NKAIN2: variants seen among roughly 807,000 people sequenced by gnomAD.
NKAIN2 encodes the protein sodium/potassium-transporting ATPase subunit beta-1-interacting protein 2.
In NKAIN2, 14 loss-of-function variants were observed where a neutral mutation model predicts 32.6. That is an observed-to-expected ratio of 0.43 (90% confidence interval 0.28 to 0.67). The LOEUF (loss-of-function observed/expected upper bound fraction) is 0.67, where lower values mean the gene tolerates loss of function less well. NKAIN2 is among the 30% of genes least tolerant of loss of function. The probability of loss-of-function intolerance (pLI) is 0.17; values close to 1 mark genes in which losing one functional copy is unlikely to be tolerated. For missense variants in NKAIN2, 198 were observed against 258.3 expected (o/e 0.77, Z 1.60); for synonymous variants, 80 against 87.2 (o/e 0.92, Z 0.46).
chr6:124,014,721 C>T (rs1216232277), intron 1 of NKAIN2, among the ~76,000 whole-genome samples: 1 of 151,966 alleles, frequency 6.6e-6, no homozygotes, highest in African/African-American at 2.4e-5. Flanking sequence ...TTACCTCATG[C>T]TGTTGTTAAT....
intron 1 of NKAIN2, among the ~76,000 whole-genome samples, chr6:123,807,737 T>G (rs748670909): frequency 1.1e-4 from 16 of 152,162 alleles, no homozygotes; most frequent in Non-Finnish European, 2.2e-4. Context: ...TCCCCTATTT[T>G]GTACTTTAGA....
intron 3 of NKAIN2, among the ~76,000 whole-genome samples, chr6:124,516,593 G>A (rs759875735): frequency 1.3e-5 from 2 of 152,138 alleles, no homozygotes; most frequent in Non-Finnish European, 2.9e-5. Flanking sequence ...TCTCTCTGCA[G>A]ACATTTACAT....
intron 5 of NKAIN2, among the ~76,000 whole-genome samples, chr6:124,794,179 A>C (rs1779894860): frequency 6.6e-6 from 1 of 152,204 alleles, no homozygotes; most frequent in South Asian, 2.1e-4. Flanking sequence ...GTCATTTTGT[A>C]GATGTTAAAG....
intron 1 of NKAIN2, among the ~76,000 whole-genome samples, chr6:124,221,936 C>A (rs146363008): frequency 6.6e-6 from 1 of 152,286 alleles, no homozygotes; most frequent in East Asian, 1.9e-4. Context: ...CTTTCTATCA[C>A]AAAATGGCTT....
chr6:124,685,492 T>G (rs532361554), intron 4 of NKAIN2, among the ~76,000 whole-genome samples: 14 of 152,296 alleles, frequency 9.2e-5, no homozygotes, highest in South Asian at 4.1e-4. Flanking sequence ...TCCTCCAACT[T>G]TGGTATTTTT....
chr6:124,149,115 C>A (rs75985742), intron 1 of NKAIN2, among the ~76,000 whole-genome samples: 4,011 of 151,706 alleles, frequency 0.026, 173 homozygotes, highest in African/African-American at 0.092. Context: ...TTTGGAGAAA[C>A]GTCTATTTAA....
At chr6:123,953,215 A>G (rs923737148) in intron 1 of NKAIN2, among the ~76,000 whole-genome samples, 6 of 152,126 alleles carry the variant, frequency 3.9e-5, no homozygotes, top group African/African-American at 1.2e-4. Flanking sequence ...TGGTGAAGTT[A>G]TGCTGCAGAT....
intron 6 of NKAIN2, among the ~76,000 whole-genome samples, chr6:124,822,082 G>A (rs780132694): frequency 2.0e-5 from 3 of 152,126 alleles, no homozygotes; most frequent in African/African-American, 7.2e-5. Context: ...ACATGGCTGT[G>A]CCTCTCTCCC....
intron 4 of NKAIN2, among the ~76,000 whole-genome samples, chr6:124,679,035 C>A (rs867710007): frequency 1.3e-5 from 2 of 152,046 alleles, no homozygotes; most frequent in South Asian, 4.2e-4. Context: ...CCGGAGTGAT[C>A]ATCAGATGCC....
intron 1 of NKAIN2, among the ~76,000 whole-genome samples, chr6:124,119,286 T>C (rs1785761438): frequency 6.6e-6 from 1 of 152,158 alleles, no homozygotes; most frequent in Non-Finnish European, 1.5e-5. Context: ...TTCTGCATTC[T>C]CCAGAACAAA....
At chr6:123,808,417 C>T (rs1773313503) in intron 1 of NKAIN2, among the ~76,000 whole-genome samples, 1 of 152,124 alleles carries the variant, frequency 6.6e-6, no homozygotes, top group Admixed American at 6.5e-5. Flanking sequence ...AAAATGATAA[C>T]TTTCTTCTTT....
intron 1 of NKAIN2, among the ~76,000 whole-genome samples, chr6:123,833,285 C>T (rs1774462163): frequency 6.6e-6 from 1 of 151,276 alleles, no homozygotes; most frequent in African/African-American, 2.4e-5. Flanking sequence ...CTATTTTGTT[C>T]CACTGATTTA....
At chr6:124,754,244 C>T (rs1042149037) in intron 4 of NKAIN2, among the ~76,000 whole-genome samples, 1 of 152,124 alleles carries the variant, frequency 6.6e-6, no homozygotes, top group South Asian at 2.1e-4. Flanking sequence ...TTATGTAAAA[C>T]TCAGTATAGT....
chr6:124,065,099 A>T (rs375617270), intron 1 of NKAIN2, among the ~76,000 whole-genome samples: 22 of 152,112 alleles, frequency 1.4e-4, no homozygotes, highest in East Asian at 9.6e-4. Context: ...TTTTCTCACA[A>T]TGTAACACAA....
intron 3 of NKAIN2, among the ~76,000 whole-genome samples, chr6:124,526,083 G>T (rs905757622): frequency 1.2e-4 from 18 of 152,224 alleles, no homozygotes; most frequent in African/African-American, 3.9e-4. Context: ...TGCATATGAA[G>T]TAGAATATGC....
chr6:123,884,294 GT>G (rs1773610737), intron 1 of NKAIN2, among the ~76,000 whole-genome samples: 2 of 152,080 alleles, frequency 1.3e-5, no homozygotes. Context: ...ATTCATTTTT[GT>G]AGCTGTATAG....
chr6:124,384,703 C>G (rs187491512), intron 3 of NKAIN2, among the ~76,000 whole-genome samples: 16 of 152,242 alleles, frequency 1.1e-4, no homozygotes, highest in African/African-American at 3.9e-4. Flanking sequence ...TCACTGCAGC[C>G]TCAGCCTCAA....
chr6:124,589,162 A>G (rs1781817769), intron 3 of NKAIN2, among the ~76,000 whole-genome samples: 1 of 152,168 alleles, frequency 6.6e-6, no homozygotes, highest in South Asian at 2.1e-4. Context: ...TTGTGCAAAA[A>G]ATATGTATGC....
intron 1 of NKAIN2, among the ~76,000 whole-genome samples, chr6:124,006,188 A>G (rs1399143778): frequency 6.6e-6 from 1 of 152,174 alleles, no homozygotes; most frequent in African/African-American, 2.4e-5. Flanking sequence ...CACTTTCTAT[A>G]GCGTCTTTAG....
Sources: allele counts gnomAD v4.1 joint callset (sites outside exome capture counted in the v4.1 genomes callset), GRCh38; gene constraint gnomAD v4.1.1; transcripts MANE v1.5; gene names NCBI Gene and HGNC (gene_info 2026-07-23, HGNC 2026-07-21).